The following GPR139 variants were observed in gnomAD, a reference collection of about 807,000 sequenced individuals.
GPR139 encodes the protein G protein-coupled receptor 139.
Under a neutral mutation model 25.8 loss-of-function variants are expected in GPR139, and 12 were observed. The observed-to-expected ratio is 0.47, with a 90% CI of 0.30 to 0.75. The LOEUF (loss-of-function observed/expected upper bound fraction) is 0.75, where lower values mean the gene tolerates loss of function less well. Ranked by LOEUF, GPR139 falls within the 30% of genes least tolerant of loss-of-function variation. The pLI is 0.07. For missense variants in GPR139, 380 were observed against 450.2 expected, an observed-to-expected ratio of 0.84 and a Z score of 1.41; for synonymous variants, 184 against 179.9, an observed-to-expected ratio of 1.02 and a Z score of -0.18.
chr16:20,073,812 G>T lies in GPR139; in HGVS notation c.-196C>A. ...CCTGCCCGCCTGGAGTCTTGGCTCA[G>T]CCCTCCCGCAGGGCGCGGGGCGCAG... On this transcript the variant is annotated 5_prime_UTR_variant, in exon 1 of 2. It adds an upstream start codon to the 5' untranslated region. Transcript: ENST00000570682. This position sits in a 1 kb window ranked among gnomAD's most constrained non-coding sequence, Gnocchi z 4.7. 2.9e-6 allele frequency: 2 copies of T among 680,468 alleles called. No individual in the cohort carries two copies. Among genetic ancestry groups the T allele is most frequent in the Non-Finnish European group, 4.5e-6 (2 of 449,178 alleles). The allele number at this position is 680,468 out of a possible 1,614,324, so 42.2% of individuals were successfully genotyped here. A position where few individuals can be genotyped will look rare whatever the true frequency, so the allele number is the denominator to read the frequency against.
chr16:20,032,822 G>C (rs908531284), intron 1 of GPR139, among the ~76,000 whole-genome samples, 153 bp from the exon 2 acceptor site: 1 of 152,212 alleles, frequency 6.6e-6, no homozygotes, highest in African/African-American at 2.4e-5. Flanking sequence ...ATTACAAATA[G>C]CACCTCATAC....
intron 1 of GPR139, among the ~76,000 whole-genome samples, chr16:20,045,064 A>G (rs538022931): frequency 1.4e-5 from 2 of 143,640 alleles, no homozygotes; most frequent in South Asian, 2.2e-4. Flanking sequence ...CAGTGGTGCA[A>G]TCGCGGCTCG....
In GPR139 at chr16:20,073,229, C is replaced by G. The variant is rs2057466311; in HGVS notation, c.127+261G>C. ...TTCGAATCCATGCTCACATGCCCAGCCCATCGCCCGCCGTCACAGTCATCA... is the reference window on the plus strand; with the variant it reads ...TTCGAATCCATGCTCACATGCCCAGGCCATCGCCCGCCGTCACAGTCATCA... On this transcript the variant is annotated intron_variant, in intron 1 of 1. Coordinates refer to ENST00000570682, the MANE Select transcript of GPR139 (RefSeq NM_001002911.4). The surrounding 1 kb of genome is among the most constrained non-coding windows in gnomAD (Gnocchi z 4.7). Among the ~76,000 whole-genome samples the G allele has an allele frequency of 6.6e-6, 1 of 151,158 alleles. No individual in the cohort carries two copies. The highest frequency in any genetic ancestry group is 2.4e-5 in the African/African-American group (1 of 40,984).
intron 1 of GPR139, among the ~76,000 whole-genome samples, chr16:20,032,892 G>A (rs761737749): frequency 2.6e-5 from 4 of 152,240 alleles, no homozygotes; most frequent in African/African-American, 4.8e-5. Flanking sequence ...GAGAGGTGGT[G>A]CCTCCATTCT....
chr16:20,047,345 G>T (rs1016753760), intron 1 of GPR139, among the ~76,000 whole-genome samples: 1 of 152,092 alleles, frequency 6.6e-6, no homozygotes, highest in Non-Finnish European at 1.5e-5. Context: ...TCCTGACCTG[G>T]GAGGCCTGAC....
chr16:20,033,418 T>C (rs1301936496), intron 1 of GPR139, among the ~76,000 whole-genome samples: 1 of 152,216 alleles, frequency 6.6e-6, no homozygotes, highest in Non-Finnish European at 1.5e-5. Flanking sequence ...GCTACACAGT[T>C]AATAATTCAT....
At chr16:20,064,819 C>T (rs1567240592) in intron 1 of GPR139, among the ~76,000 whole-genome samples, 1 of 152,214 alleles carries the variant, frequency 6.6e-6, no homozygotes, top group African/African-American at 2.4e-5. Context: ...ACAGAGCCTA[C>T]ATCCTGATCC....
intron 1 of GPR139, among the ~76,000 whole-genome samples, chr16:20,047,124 T>TTTG (rs2057356973): frequency 6.6e-6 from 1 of 152,018 alleles, no homozygotes. Flanking sequence ...TTTTTTGTTT[T>TTTG]TTTTGAGGTG....
At chr16:20,055,971 T>A (rs1033088896) in intron 1 of GPR139, among the ~76,000 whole-genome samples, 1 of 152,226 alleles carries the variant, frequency 6.6e-6, no homozygotes, top group Non-Finnish European at 1.5e-5. Flanking sequence ...TAAAACAGTA[T>A]CTAACATGTA....
At chr16:20,063,082 GA>G (rs1465894331) in intron 1 of GPR139, among the ~76,000 whole-genome samples, 1 of 152,140 alleles carries the variant, frequency 6.6e-6, no homozygotes, top group Non-Finnish European at 1.5e-5. Context: ...TAATTGAAAT[GA>G]AATGAAATAA....
intron 1 of GPR139, among the ~76,000 whole-genome samples, chr16:20,070,158 G>A (rs772881042): frequency 4.6e-5 from 7 of 152,178 alleles, no homozygotes; most frequent in African/African-American, 7.2e-5. Flanking sequence ...TTGACTGTGC[G>A]ACAGTAGATA....
In GPR139 at chr16:20,070,990, G is replaced by A. The variant is rs1329658895; in HGVS notation, c.127+2500C>T. 9.1e-6 allele frequency: 9 copies of A among 985,416 alleles called. No individual in the cohort carries two copies. The South Asian group carries it at 1.9e-4, about 21-fold the overall frequency. 61.0% of individuals were successfully genotyped at this position (985,416 alleles called of 1,614,324 possible). ...ACTGGTGGGGCTGAGCAAGCAGACCGCCCTCCTTACAACTTGATCGGCTTC... is the reference window on the plus strand; with the variant it reads ...ACTGGTGGGGCTGAGCAAGCAGACCACCCTCCTTACAACTTGATCGGCTTC... On this transcript the variant is annotated intron_variant, in intron 1 of 1. Transcript: ENST00000570682.
At chr16:20,058,334 AGTGT>A (rs56090244) in intron 1 of GPR139, among the ~76,000 whole-genome samples, 67,890 of 149,626 alleles carry the variant, frequency 0.45, 15,456 homozygotes, top group East Asian at 0.68. Flanking sequence ...ATGGATGTGG[AGTGT>A]GTGTGTGTGT....
At chr16:20,061,815 C>T (rs1206388611) in intron 1 of GPR139, among the ~76,000 whole-genome samples, 1 of 152,216 alleles carries the variant, frequency 6.6e-6, no homozygotes, top group African/African-American at 2.4e-5. Context: ...ACTTGCTTTG[C>T]ACTGCTGCAC....
chr16:20,044,069 G>A (rs1230812300), intron 1 of GPR139, among the ~76,000 whole-genome samples: 1 of 152,186 alleles, frequency 6.6e-6, no homozygotes, highest in Non-Finnish European at 1.5e-5. Context: ...GAGGATTAGA[G>A]AGAATTGTGC....
rs1052838497 is a variant in GPR139 at position 20,028,852 on chromosome 16, C to T, written c.*2883G>A. On this transcript the variant is annotated 3_prime_UTR_variant, in exon 2 of 2. Transcript: ENST00000570682. ...TTGAAAGAGGCACCACAAAAACCCA[C>T]GATAAGGCAATTGCTTTAGTGCCAC... Among the ~76,000 whole-genome samples the T allele has an allele frequency of 2.6e-5, 4 of 152,064 alleles. No homozygotes were observed. Among genetic ancestry groups the T allele is most frequent in the African/African-American group, 7.2e-5 (3 of 41,422 alleles).
intron 1 of GPR139, among the ~76,000 whole-genome samples, chr16:20,055,172 G>C (rs925109561): frequency 6.6e-6 from 1 of 152,112 alleles, no homozygotes; most frequent in African/African-American, 2.4e-5. Flanking sequence ...TCATAATTTA[G>C]CTTCCACTTA....
At chr16:20,049,821 A>G (rs1278918106) in intron 1 of GPR139, among the ~76,000 whole-genome samples, 1 of 152,184 alleles carries the variant, frequency 6.6e-6, no homozygotes, top group East Asian at 1.9e-4. Flanking sequence ...TTCTTGTGGG[A>G]ATTAAATACA....
chr16:20,060,642 A>T (rs1210305204), intron 1 of GPR139, among the ~76,000 whole-genome samples: 8 of 152,228 alleles, frequency 5.3e-5, no homozygotes, highest in Admixed American at 1.3e-4. Flanking sequence ...ATTAGTGGAC[A>T]CATCAGTTCA....
Sources: gnomAD v4.1 joint callset for allele counts (sites outside exome capture counted in the v4.1 genomes callset) on GRCh38, gnomAD v4.1.1 for gene constraint, Gnocchi (gnomAD v3.1) non-coding constraint, MANE v1.5 for transcripts, NCBI Gene and HGNC (gene_info 2026-07-23, HGNC 2026-07-21) for gene names.